Variants in GARNL3 observed in about 807,000 individuals in gnomAD.
GARNL3 encodes GTPase activating Rap/RanGAP domain like 3.
A neutral mutation model predicts 125.0 loss-of-function variants in GARNL3; 63 were observed. That is an observed-to-expected ratio of 0.50 (90% CI 0.41 to 0.62). The LOEUF (loss-of-function observed/expected upper bound fraction) is 0.62, where lower values mean the gene tolerates loss of function less well. Among genes scored for constraint, GARNL3 ranks in the 20% least tolerant of loss-of-function variants. GARNL3 has a pLI of 0.00. For synonymous variants in GARNL3, 439 were observed against 457.5 expected (o/e 0.96, Z 0.52); for missense variants, 994 against 1,244.0 (o/e 0.80, Z 3.02).
Position 127,282,793 on chromosome 9 carries a change from C to G in GARNL3, c.145-8375C>G, listed in dbSNP as rs145787012. Among the ~76,000 whole-genome samples, 414 of 152,148 alleles carry G rather than the reference C, an allele frequency of 2.7e-3. 2 individuals carry two copies. Among genetic ancestry groups the G allele is most frequent in the African/African-American group, 9.7e-3 (401 of 41,514 alleles). ...ACTGATTTAGAATGGAAACAAGCAC[C>G]AACCCAGTGAAACAAAGCAGTAAAA... On this transcript the variant is annotated intron_variant, in intron 1 of 27. Coordinates refer to ENST00000373387, the MANE Select transcript of GARNL3 (RefSeq NM_032293.5).
chr9:127,275,028 C>T (rs1013869547), intron 1 of GARNL3, among the ~76,000 whole-genome samples: 1 of 152,132 alleles, frequency 6.6e-6, no homozygotes, highest in African/African-American at 2.4e-5. Context: ...ATAAGCAAGA[C>T]CAGGCTCAGC....
chr9:127,289,673 T>G, intron 1 of GARNL3, among the ~76,000 whole-genome samples: 1 of 152,202 alleles, frequency 6.6e-6, no homozygotes, highest in African/African-American at 2.4e-5. Context: ...GCCCTCACTA[T>G]AAATCAGTGT....
intron 24 of GARNL3, 123 bp from the exon 25 acceptor site, chr9:127,387,070 G>T (rs1433932796): frequency 2.6e-5 from 27 of 1,027,716 alleles, no homozygotes; most frequent in Non-Finnish European, 3.6e-5. Context: ...CCGGCATCCC[G>T]CACTGCACTG....
Position 127,355,106 on chromosome 9 carries a change from T to C in GARNL3, c.1760-191T>C, listed in dbSNP as rs560768902. ...CCGCACCCAGCTGGGAATAGGACTT[T>C]CTTAATTTTCCTGTAACTCAACCTA... On this transcript the variant is annotated intron_variant, in intron 19 of 27. Coordinates refer to ENST00000373387, the MANE Select transcript of GARNL3 (RefSeq NM_032293.5). Among the ~76,000 whole-genome samples the C allele has an allele frequency of 1.9e-4, 29 of 152,358 alleles. No individual in the cohort carries two copies. The South Asian group carries it at 2.1e-3, about 11-fold the overall frequency.
intron 22 of GARNL3, chr9:127,366,840 C>T (rs976287350): frequency 1.3e-5 from 2 of 152,278 alleles, no homozygotes; most frequent in African/African-American, 2.4e-5. Context: ...TTCCCGCAGC[C>T]TCTGGGTCTC....
intron 1 of GARNL3, among the ~76,000 whole-genome samples, chr9:127,267,938 C>T (rs1318398712): frequency 1.3e-5 from 2 of 152,124 alleles, no homozygotes; most frequent in African/African-American, 4.8e-5. Context: ...GAATGAAGCT[C>T]GGCCATTCAT....
At chr9:127,337,880 A>G (rs1829639805) in intron 11 of GARNL3, among the ~76,000 whole-genome samples, 1 of 152,138 alleles carries the variant, frequency 6.6e-6, no homozygotes. Flanking sequence ...GGAGATTTAA[A>G]CCTTTTCCCC....
At chr9:127,345,784 C>G (rs1409032239) in intron 16 of GARNL3, among the ~76,000 whole-genome samples, 1 of 152,244 alleles carries the variant, frequency 6.6e-6, no homozygotes, top group African/African-American at 2.4e-5. Context: ...ACACCTTGAC[C>G]AAATGCGTGT....
Position 127,393,202 on chromosome 9 carries a change from G to A in GARNL3, c.2990G>A (p.Ser997Asn). 3.7e-6 allele frequency: 6 copies of A among 1,613,550 alleles called. No homozygotes were observed. Among genetic ancestry groups the A allele is most frequent in the Non-Finnish European group, 4.2e-6 (5 of 1,179,436 alleles). The change falls in exon 28 of 28, where the codon AGC becomes AAC. Residue 997 changes from serine to asparagine, a missense_variant. Physicochemically the swap from Ser to Asn is conservative, Grantham distance 46 (BLOSUM62 1). Around this residue, in one of 5 missense-constraint regions of GARNL3, gnomAD observed 728 missense variants for 865.7 expected, o/e 0.84. Coordinates refer to ENST00000373387, the MANE Select transcript of GARNL3 (RefSeq NM_032293.5). ...DREGSPVSGS[S>N]PFQLTAFSDE... The stretch of plus-strand genomic sequence containing the variant: ...GAGGGCAGCCCGGTCTCCGGCAGCA[G>A]CCCCTTCCAGCTCACGGCTTTCTCC...
chr9:127,236,232 A>G (rs1165691157), intron 1 of GARNL3, among the ~76,000 whole-genome samples: 1 of 152,232 alleles, frequency 6.6e-6, no homozygotes, highest in African/African-American at 2.4e-5. Flanking sequence ...GGCTTACTGT[A>G]AGGAGCAGTA....
upstream of GARNL3, among the ~76,000 whole-genome samples, chr9:127,259,196 T>C (rs987419064): frequency 6.6e-6 from 1 of 152,228 alleles, no homozygotes; most frequent in Non-Finnish European, 1.5e-5. Flanking sequence ...GTTGTCCTGC[T>C]TTCCAGGAAT....
intron 4 of GARNL3, 146 bp from the exon 5 acceptor site, chr9:127,317,917 G>T: frequency 1.4e-6 from 1 of 692,968 alleles, no homozygotes; most frequent in Non-Finnish European, 2.6e-6. Flanking sequence ...ATTGTTTTCA[G>T]TCATAGAATG....
rs555105705 is a variant in GARNL3 at position 127,330,069 on chromosome 9, A to G, written c.595-2205A>G. ...CACCTCGGAACTTGTTAGAAATGCA[A>G]ATTATCAGGCCCTATCCCAAACCTG... On this transcript the variant is annotated intron_variant, in intron 7 of 27. Coordinates refer to ENST00000373387, the MANE Select transcript of GARNL3 (RefSeq NM_032293.5). 2.3e-4 allele frequency among the ~76,000 whole-genome samples: 35 copies of G among 152,286 alleles called. No individual in the cohort carries two copies. The South Asian group carries it at 6.9e-3, about 30-fold the overall frequency.
chr9:127,309,039 C>G (rs1431302857), intron 2 of GARNL3, among the ~76,000 whole-genome samples: 2 of 152,226 alleles, frequency 1.3e-5, no homozygotes, highest in Admixed American at 1.3e-4. Flanking sequence ...AATAAAAATT[C>G]ATATGTATGT....
chr9:127,332,677 G>A (rs753245029), intron 8 of GARNL3, among the ~76,000 whole-genome samples: 1 of 152,202 alleles, frequency 6.6e-6, no homozygotes, highest in Non-Finnish European at 1.5e-5. Context: ...AGAATTATAA[G>A]ATGGCGTCAT....
intron 27 of GARNL3, among the ~76,000 whole-genome samples, chr9:127,391,217 G>A (rs1474962058): frequency 4.0e-5 from 6 of 151,082 alleles, no homozygotes; most frequent in Admixed American, 6.6e-5. Flanking sequence ...CATGAGAGGC[G>A]GAGGCTGCAG....
intron 1 of GARNL3, among the ~76,000 whole-genome samples, chr9:127,276,758 A>G (rs1424116315): frequency 1.3e-5 from 2 of 152,218 alleles, no homozygotes; most frequent in Non-Finnish European, 2.9e-5. Flanking sequence ...GTCTCTTACC[A>G]AATCCCATTG....
chr9:127,340,220 G>T (rs1458124502), intron 13 of GARNL3, among the ~76,000 whole-genome samples: 4 of 152,172 alleles, frequency 2.6e-5, no homozygotes, highest in African/African-American at 9.7e-5. Context: ...AAGACAGAAT[G>T]AGAACATAAT....
At chr9:127,340,305 C>T (rs914054460) in intron 13 of GARNL3, among the ~76,000 whole-genome samples, 14 of 152,174 alleles carry the variant, frequency 9.2e-5, no homozygotes, top group African/African-American at 2.7e-4. Flanking sequence ...TACCCAAATA[C>T]CCGACTCTGA....
Sources: allele counts gnomAD v4.1 joint callset (sites outside exome capture counted in the v4.1 genomes callset), GRCh38; gene constraint gnomAD v4.1.1; regional missense constraint gnomAD v4.1.1; transcripts MANE v1.5; gene names NCBI Gene and HGNC (gene_info 2026-07-23, HGNC 2026-07-21).